The following FKBP5 variants were observed in gnomAD, a reference collection of about 807,000 sequenced individuals.
FKBP5 encodes the protein FKBP prolyl isomerase 5.
Under a neutral mutation model 50.5 loss-of-function variants are expected in FKBP5, and 23 were observed. The ratio of observed to expected loss-of-function variants is 0.46; its 90% CI spans 0.33 to 0.65. FKBP5 has a LOEUF of 0.65. Ranked by LOEUF, FKBP5 falls within the 30% of genes least tolerant of loss-of-function variation. The pLI, the probability that FKBP5 is intolerant of heterozygous loss-of-function variation, is 0.02. For missense variants in FKBP5, 411 were observed against 553.1 expected, an observed-to-expected ratio of 0.74 and a Z score of 2.58; for synonymous variants, 176 against 190.6, an observed-to-expected ratio of 0.92 and a Z score of 0.63.
intron 1 of FKBP5, among the ~76,000 whole-genome samples, chr6:35,658,039 G>A (rs1210958512): frequency 2.2e-4 from 32 of 148,784 alleles, no homozygotes; most frequent in Admixed American, 1.2e-3. Context: ...GACCAGCCTG[G>A]CCAACATGGT....
chr6:35,642,649 C>A, intron 2 of FKBP5, 71 bp downstream of exon 2: 2 of 1,206,614 alleles, frequency 1.7e-6, no homozygotes, highest in South Asian at 1.3e-5. Flanking sequence ...CCCAGCCCCC[C>A]TCAGAAAGAG....
chr6:35,676,024 T>C (rs984062608), intron 1 of FKBP5, among the ~76,000 whole-genome samples: 3 of 152,188 alleles, frequency 2.0e-5, no homozygotes, highest in East Asian at 1.9e-4. Context: ...AAGGGCCTAT[T>C]TGATAAATTC....
At chr6:35,648,433 GTTTT>G (rs536239953) in intron 1 of FKBP5, among the ~76,000 whole-genome samples, 1 of 144,280 alleles carries the variant, frequency 6.9e-6, no homozygotes, top group African/African-American at 2.6e-5. Context: ...CACACCTAAT[GTTTT>G]TTTTTTATTA....
chr6:35,649,205 C>T (rs1332422786), intron 1 of FKBP5, among the ~76,000 whole-genome samples: 2 of 143,724 alleles, frequency 1.4e-5, no homozygotes, highest in South Asian at 2.2e-4. Context: ...GAGCCAAGAT[C>T]GCACCACTGC....
At chr6:35,685,982 C>CAAAAAAAAAAAAAAAAAAAAAAAAAAAA (rs60786619) in intron 1 of FKBP5, among the ~76,000 whole-genome samples, 1 of 46,244 alleles carries the variant, frequency 2.2e-5, no homozygotes, top group Non-Finnish European at 5.2e-5. Context: ...AACGCCATCT[C>CAAAAAAAAAAAAAAAAAAAAAAAAAAAA]AAAAAAAAAA....
At chr6:35,717,232 GC>G (rs1766526650) in intron 2 of FKBP5, among the ~76,000 whole-genome samples, 1 of 152,334 alleles carries the variant, frequency 6.6e-6, no homozygotes, top group South Asian at 2.1e-4. Flanking sequence ...CAACAACTGA[GC>G]CCACATTTCC....
chr6:35,586,745 CTTTAGGAGTGAG>C, intron 8 of FKBP5: 1 of 1,307,698 alleles, frequency 7.6e-7, no homozygotes. Flanking sequence ...AAGCAAGATG[CTTTAGGAGTGAG>C]TGATACTGTG....
At chr6:35,655,179 T>A (rs1764915007) in intron 1 of FKBP5, among the ~76,000 whole-genome samples, 1 of 152,088 alleles carries the variant, frequency 6.6e-6, no homozygotes, top group Non-Finnish European at 1.5e-5. Context: ...AAATTTAAAA[T>A]AATAATAATA....
At chr6:35,625,767 A>AATTTATTT (rs532035754) in intron 3 of FKBP5, among the ~76,000 whole-genome samples, 20 of 147,064 alleles carry the variant, frequency 1.4e-4, no homozygotes, top group African/African-American at 4.3e-4. Context: ...ACATAATGTC[A>AATTTATTT]ATTTATTTAT....
intron 1 of FKBP5, among the ~76,000 whole-genome samples, chr6:35,656,128 C>T (rs1329003823): frequency 6.6e-6 from 1 of 152,166 alleles, no homozygotes; most frequent in Non-Finnish European, 1.5e-5. Flanking sequence ...AATTGTTTCC[C>T]AAAGTCCATT....
chr6:35,678,184 T>C (rs1433965171), intron 1 of FKBP5, among the ~76,000 whole-genome samples: 2 of 151,988 alleles, frequency 1.3e-5, no homozygotes, highest in African/African-American at 2.4e-5. Flanking sequence ...CCAATAAGAA[T>C]AGTGGAGTCA....
At chr6:35,689,008 G>C (rs111893883), upstream of FKBP5, 1 of 151,974 alleles carries the variant, frequency 6.6e-6, no homozygotes, top group East Asian at 2.0e-4. Flanking sequence ...ATAGGGCCCC[G>C]GGGCTGTCAG....
chr6:35,637,231 A>G, intron 2 of FKBP5, 73 bp from the exon 3 acceptor site: 1 of 1,368,828 alleles, frequency 7.3e-7, no homozygotes, highest in South Asian at 1.3e-5. Context: ...AAGGTCACAC[A>G]GTCCATCCCA....
chr6:35,642,652 A>G, intron 2 of FKBP5, 68 bp downstream of exon 2: 1 of 1,234,104 alleles, frequency 8.1e-7, no homozygotes, highest in Non-Finnish European at 1.2e-6. Context: ...AGCCCCCCTC[A>G]GAAAGAGATG....
chr6:35,672,647 T>C (rs1765419003), intron 1 of FKBP5, among the ~76,000 whole-genome samples: 1 of 152,086 alleles, frequency 6.6e-6, no homozygotes, highest in Non-Finnish European at 1.5e-5. Context: ...TATTTGTGGC[T>C]GGAGGCGGTG....
At chr6:35,634,444 C>T (rs1469824272) in intron 3 of FKBP5, among the ~76,000 whole-genome samples, 2 of 152,146 alleles carry the variant, frequency 1.3e-5, no homozygotes, top group African/African-American at 4.8e-5. Context: ...CATTAACCTA[C>T]TAAAGACCCA....
Position 35,675,518 on chromosome 6 carries a change from C to T in FKBP5, c.-20+13286G>A, listed in dbSNP as rs1405843010. Among the ~76,000 whole-genome samples the T allele has an allele frequency of 5.9e-5, 9 of 152,184 alleles. No individual in the cohort carries two copies. In the East Asian group the frequency reaches 1.7e-3, roughly 29 times the overall value. On this transcript the variant is annotated intron_variant, in intron 1 of 10. Coordinates refer to ENST00000357266, the MANE Select transcript of FKBP5 (RefSeq NM_004117.4). The stretch of plus-strand genomic sequence containing the variant: ...CTGGGAGACAGAGGTTGCAGTGAGC[C>T]GAGATCACGCCACTGCACTCCAGCC...
intron 9 of FKBP5, among the ~76,000 whole-genome samples, chr6:35,578,533 C>G (rs780054907): frequency 5.3e-5 from 8 of 152,236 alleles, no homozygotes; most frequent in South Asian, 2.1e-4. Flanking sequence ...CTTTGGGAAG[C>G]TGAGGTGGCA....
At chr6:35,621,436 G>A (rs768805623) in intron 3 of FKBP5, among the ~76,000 whole-genome samples, 2 of 151,784 alleles carry the variant, frequency 1.3e-5, no homozygotes, top group Admixed American at 1.3e-4. Context: ...TGGCCAACAT[G>A]GTGAAACCCC....
Sources: allele counts gnomAD v4.1 joint callset (sites outside exome capture counted in the v4.1 genomes callset), GRCh38; gene constraint gnomAD v4.1.1; transcripts MANE v1.5; gene names NCBI Gene and HGNC (gene_info 2026-07-23, HGNC 2026-07-21).